The following AFF3 variants were observed in gnomAD, a reference collection of about 807,000 sequenced individuals.
The protein encoded by AFF3 is AF4/FMR2 family member 3.
A neutral mutation model predicts 129.7 loss-of-function variants in AFF3; 32 were observed. The observed-to-expected ratio is 0.25, with a 90% confidence interval of 0.19 to 0.33. The LOEUF is 0.33. Among genes scored for constraint, AFF3 ranks in the 10% least tolerant of loss-of-function variants. The pLI is 1.00. For synonymous variants in AFF3, 644 were observed against 635.4 expected (o/e 1.01, Z -0.20); for missense variants, 1,373 against 1,592.0 (o/e 0.86, Z 2.34).
chr2:99,546,105 C>T lies in AFF3; in HGVS notation c.*5369G>A, dbSNP rs899324660. ...CAGTTTATGTGGTCAGGTTGTTTTT[C>T]CCCTTTCATTAAAAAAACTTTCAAG... On this transcript the variant is annotated 3_prime_UTR_variant, in exon 25 of 25. Coordinates refer to ENST00000672756, the MANE Select transcript of AFF3 (RefSeq NM_001386135.1). The T allele has an allele frequency of 4.4e-6, 1 of 227,808 alleles. No individual in the cohort carries two copies. The highest frequency in any genetic ancestry group is 8.7e-6 in the Non-Finnish European group (1 of 114,758). The allele number at this position is 227,808 out of a possible 1,614,324, so 14.1% of individuals were successfully genotyped here.
At chr2:99,696,762 T>C (rs1374921593) in intron 11 of AFF3, among the ~76,000 whole-genome samples, 5 of 152,166 alleles carry the variant, frequency 3.3e-5, no homozygotes, top group Non-Finnish European at 5.9e-5. Flanking sequence ...CCTCCCGCCA[T>C]AGCCTAGTGT....
intron 1 of AFF3, among the ~76,000 whole-genome samples, chr2:100,139,622 A>T (rs1351605100): frequency 6.6e-6 from 1 of 152,206 alleles, no homozygotes; most frequent in African/African-American, 2.4e-5. Flanking sequence ...ACCTGCTTGT[A>T]TTTTAATGAT....
intron 14 of AFF3, among the ~76,000 whole-genome samples, chr2:99,597,509 T>C (rs1219134708): frequency 1.3e-5 from 2 of 152,246 alleles, no homozygotes; most frequent in Admixed American, 6.5e-5. Flanking sequence ...GGGAGGCAGA[T>C]TGCCACATCT....
intron 4 of AFF3, among the ~76,000 whole-genome samples, chr2:100,038,020 C>A (rs7558817): frequency 0.39 from 58,281 of 150,900 alleles, 11,548 homozygotes; most frequent in Middle Eastern, 0.47. Flanking sequence ...TAAAAGAAAA[C>A]TTTTCAAGGT....
intron 7 of AFF3, among the ~76,000 whole-genome samples, chr2:99,857,836 C>A (rs1189603327): frequency 1.3e-5 from 2 of 152,142 alleles, no homozygotes; most frequent in Non-Finnish European, 2.9e-5. Flanking sequence ...GACCTTAAAC[C>A]CATGGAATTC....
At chr2:100,045,878 C>T (rs370657337) in intron 4 of AFF3, among the ~76,000 whole-genome samples, 5 of 152,070 alleles carry the variant, frequency 3.3e-5, no homozygotes, top group Admixed American at 2.6e-4. Flanking sequence ...ATGTAACATA[C>T]AAAATGCATG....
intron 7 of AFF3, among the ~76,000 whole-genome samples, chr2:99,941,083 C>A (rs1209165965): frequency 6.6e-6 from 1 of 152,160 alleles, no homozygotes; most frequent in East Asian, 1.9e-4. Context: ...ACAGGCTGTG[C>A]TTCTGAAGCC....
At position 99,994,410 on chromosome 2, in the gene AFF3, T is replaced by C. The variant is rs79225162; in HGVS notation, c.873+12222A>G. Among the ~76,000 whole-genome samples the C allele has an allele frequency of 3.7e-3, 562 of 152,302 alleles. 5 individuals are homozygous for C. The highest frequency in any genetic ancestry group is 0.013 in the African/African-American group (531 of 41,572). ...CATCTCTGAAATGAAGCTCAATTCA[T>C]GTTTGTTAGTTTTTTTTCCAGATGG... On this transcript the variant is annotated intron_variant, in intron 7 of 24. Coordinates refer to ENST00000672756, the MANE Select transcript of AFF3 (RefSeq NM_001386135.1).
intron 12 of AFF3, 42 bp from the exon 13 acceptor site, chr2:99,649,708 A>G (rs748493636): frequency 6.2e-6 from 10 of 1,610,112 alleles, no homozygotes; most frequent in Non-Finnish European, 8.5e-6. Flanking sequence ...TAATATTCTG[A>G]CTTTTGAATT....
chr2:99,869,675 G>A (rs1426215249), intron 7 of AFF3, among the ~76,000 whole-genome samples: 1 of 152,174 alleles, frequency 6.6e-6, no homozygotes, highest in Non-Finnish European at 1.5e-5. Context: ...GCTTACCCTG[G>A]GGTCCCCCTG....
At chr2:100,139,615 T>C (rs1692780692) in intron 1 of AFF3, among the ~76,000 whole-genome samples, 1 of 152,232 alleles carries the variant, frequency 6.6e-6, no homozygotes, top group Non-Finnish European at 1.5e-5. Flanking sequence ...CACAAACACC[T>C]GCTTGTATTT....
intron 7 of AFF3, among the ~76,000 whole-genome samples, chr2:99,855,183 A>G (rs1202925130): frequency 3.3e-5 from 5 of 152,220 alleles, no homozygotes; most frequent in Non-Finnish European, 7.3e-5. Flanking sequence ...GAAAAAATGA[A>G]GATATAAAGG....
chr2:100,043,777 T>G (rs1685618860), intron 4 of AFF3, among the ~76,000 whole-genome samples: 1 of 152,250 alleles, frequency 6.6e-6, no homozygotes, highest in South Asian at 2.1e-4. Context: ...CACAAACTCT[T>G]GTGAAACTAG....
At chr2:99,926,598 C>T (rs1446483666) in intron 7 of AFF3, among the ~76,000 whole-genome samples, 3 of 152,186 alleles carry the variant, frequency 2.0e-5, no homozygotes, top group African/African-American at 7.2e-5. Context: ...GGGACAATTT[C>T]AATTGTGATT....
chr2:99,960,236 C>G (rs775036124), intron 7 of AFF3, among the ~76,000 whole-genome samples: 11 of 152,054 alleles, frequency 7.2e-5, no homozygotes, highest in African/African-American at 2.4e-4. Flanking sequence ...TTGATGGGCA[C>G]TAGTGTTAAC....
intron 10 of AFF3, among the ~76,000 whole-genome samples, chr2:99,730,924 C>A (rs891253620): frequency 2.0e-5 from 3 of 152,062 alleles, no homozygotes; most frequent in Non-Finnish European, 2.9e-5. Flanking sequence ...ATTTTAAATT[C>A]TGTTAGCCCT....
intron 7 of AFF3, among the ~76,000 whole-genome samples, chr2:99,981,609 T>C (rs1434235248): frequency 6.6e-6 from 1 of 152,236 alleles, no homozygotes; most frequent in Non-Finnish European, 1.5e-5. Flanking sequence ...CATGTCTTCA[T>C]ATTCATTTTC....
At chr2:100,053,270 T>A (rs755980293) in intron 4 of AFF3, among the ~76,000 whole-genome samples, 2 of 152,240 alleles carry the variant, frequency 1.3e-5, no homozygotes, top group Non-Finnish European at 2.9e-5. Flanking sequence ...GAATTTCAAA[T>A]TCTGCTGTTT....
intron 13 of AFF3, among the ~76,000 whole-genome samples, chr2:99,608,502 T>C (rs1269548329): frequency 6.6e-6 from 1 of 152,230 alleles, no homozygotes; most frequent in East Asian, 1.9e-4. Context: ...TGCTATCATT[T>C]ACATACGTAT....
Sources: allele counts gnomAD v4.1 joint callset (sites outside exome capture counted in the v4.1 genomes callset), GRCh38; gene constraint gnomAD v4.1.1; transcripts MANE v1.5; gene names NCBI Gene and HGNC (gene_info 2026-07-23, HGNC 2026-07-21).